MYLK3: variants seen among roughly 807,000 people sequenced by gnomAD.
The protein encoded by MYLK3 is myosin light chain kinase 3.
Under a neutral mutation model 76.3 loss-of-function variants are expected in MYLK3, and 55 were observed. The observed-to-expected ratio is 0.72, with a 90% CI of 0.58 to 0.90. The LOEUF is 0.90. MYLK3 is among the 40% of genes least tolerant of loss of function. The probability of loss-of-function intolerance (pLI) is 0.00; values close to 1 mark genes in which losing one functional copy is unlikely to be tolerated. For synonymous variants in MYLK3, 416 were observed against 425.4 expected (o/e 0.98, Z 0.27); for missense variants, 973 against 1,053.6 (o/e 0.92, Z 1.06).
intron 1 of MYLK3, among the ~76,000 whole-genome samples, chr16:46,758,265 TCC>T (rs1491368874): frequency 4.5e-4 from 56 of 124,594 alleles, no homozygotes; most frequent in Non-Finnish European, 1.2e-4. Flanking sequence ...CCTCTCTCTC[TCC>T]ACACACACAC....
chr16:46,716,713 C>T (rs1966744346), intron 9 of MYLK3, among the ~76,000 whole-genome samples: 1 of 152,160 alleles, frequency 6.6e-6, no homozygotes, highest in Admixed American at 6.5e-5. Context: ...CTGCCCCCTA[C>T]CCTAAAGGAA....
intron 1 of MYLK3, among the ~76,000 whole-genome samples, chr16:46,761,592 G>A (rs945447781): frequency 4.6e-5 from 7 of 152,118 alleles, no homozygotes; most frequent in Non-Finnish European, 1.0e-4. Flanking sequence ...TGAGGCAGGT[G>A]GATCACCTGA....
intron 3 of MYLK3, among the ~76,000 whole-genome samples, chr16:46,734,449 A>T (rs1966859512): frequency 6.6e-6 from 1 of 152,170 alleles, no homozygotes; most frequent in South Asian, 2.1e-4. Context: ...GTCCATCTCT[A>T]CTAAAAATAC....
chr16:46,758,882 G>A (rs898511936), intron 1 of MYLK3, among the ~76,000 whole-genome samples: 3 of 152,080 alleles, frequency 2.0e-5, no homozygotes, highest in South Asian at 2.1e-4. Context: ...GATGGGGAGA[G>A]GGCCGAGGGG....
chr16:46,717,600 C>T (rs553562036), intron 9 of MYLK3, among the ~76,000 whole-genome samples: 2 of 152,124 alleles, frequency 1.3e-5, no homozygotes, highest in South Asian at 4.1e-4. Flanking sequence ...GCGCCCCCCC[C>T]ACCTCCCCTC....
intron 8 of MYLK3, 45 bp downstream of exon 8, chr16:46,727,191 C>A: frequency 6.3e-7 from 1 of 1,597,766 alleles, no homozygotes; most frequent in Non-Finnish European, 8.6e-7. Flanking sequence ...ACGCCAGGAG[C>A]TAGGACACCA....
chr16:46,755,319 A>C (rs1166557447), intron 1 of MYLK3, among the ~76,000 whole-genome samples: 1 of 152,022 alleles, frequency 6.6e-6, no homozygotes, highest in African/African-American at 2.4e-5. Context: ...TTAACTGGGC[A>C]TGGTGGTGGG....
At chr16:46,727,214 G>A (rs374586368) in intron 8 of MYLK3, 22 bp downstream of exon 8, 9 of 1,607,010 alleles carry the variant, frequency 5.6e-6, no homozygotes, top group South Asian at 1.1e-5. Context: ...GGCCCCTACC[G>A]CATGCCCAGG....
intron 8 of MYLK3, among the ~76,000 whole-genome samples, chr16:46,724,691 T>C (rs1256435520): frequency 1.3e-5 from 2 of 152,244 alleles, no homozygotes; most frequent in Non-Finnish European, 2.9e-5. Flanking sequence ...GTTGTTTTGG[T>C]TTCTGTAGCA....
intron 5 of MYLK3, 101 bp downstream of exon 5, chr16:46,730,492 G>T: frequency 1.1e-6 from 1 of 940,738 alleles, no homozygotes; most frequent in Non-Finnish European, 1.7e-6. Context: ...CAGCTCGAGA[G>T]AGAGTCATCC....
Position 46,738,055 on chromosome 16 carries a change from T to A in MYLK3, c.657A>T (p.Ala219=), listed in dbSNP as rs1235560752. 6.2e-7 allele frequency: 1 copy of A among 1,608,608 alleles called. No individual in the cohort carries two copies. The highest frequency in any genetic ancestry group is 1.1e-5 in the South Asian group (1 of 90,772). The change falls in exon 3 of 13, where the codon GCA becomes GCT. Residue 219 remains alanine, a synonymous_variant. Coordinates refer to ENST00000394809, the MANE Select transcript of MYLK3 (RefSeq NM_182493.3). ...ASGLGADPAQ[A]VVSPGQGDGV... is the part of the protein sequence containing the mutation. ...CATCTCCCTGGCCCGGTGAGACCAC[T>A]GCCTGGGCGGGGTCAGCTCCCAGCC... is the stretch of plus-strand genomic sequence containing the variant.
Position 46,707,735 on chromosome 16 carries a change from T to C in MYLK3, c.2429A>G (p.Asn810Ser), listed in dbSNP as rs1966640654. Residue 810 changes from asparagine (N) to serine (S), a missense_variant, in exon 13 of 13, where the codon AAC becomes AGC. Asn to Ser is a conservative substitution (Grantham distance 46). Coordinates refer to ENST00000394809, the MANE Select transcript of MYLK3 (RefSeq NM_182493.3). ...AGAAGTTGGAAATTTCCTTAACCTG[T>C]TGGCAGCAGTCACCACATAGAAATG... Reference protein sequence around the residue: ...KKHFYVVTAANRLRKFPTSP With the variant: ...KKHFYVVTAASRLRKFPTSP 1.2e-6 allele frequency: 2 copies of C among 1,613,214 alleles called. No individual in the cohort carries two copies. Among genetic ancestry groups the C allele is most frequent in the Non-Finnish European group, 1.7e-6 (2 of 1,179,364 alleles).
intron 1 of MYLK3, among the ~76,000 whole-genome samples, chr16:46,746,000 T>G (rs954239371): frequency 6.6e-6 from 1 of 152,136 alleles, no homozygotes; most frequent in Non-Finnish European, 1.5e-5. Flanking sequence ...TTTTTTACTA[T>G]GTGCATATTA....
At chr16:46,709,762 TG>T in intron 11 of MYLK3, 91 bp from the exon 12 acceptor site, 1 of 1,437,086 alleles carries the variant, frequency 7.0e-7, no homozygotes, top group Admixed American at 2.1e-5. Context: ...CCTGAGTCAG[TG>T]GAACAGATTA....
chr16:46,733,209 T>G (rs1966856292), intron 3 of MYLK3, among the ~76,000 whole-genome samples: 1 of 151,732 alleles, frequency 6.6e-6, no homozygotes, highest in African/African-American at 2.4e-5. Flanking sequence ...AAAAAATAAT[T>G]TTAAAAAACT....
intron 7 of MYLK3, 110 bp from the exon 8 acceptor site, chr16:46,727,487 AC>A: frequency 8.3e-7 from 1 of 1,202,230 alleles, no homozygotes; most frequent in Non-Finnish European, 1.1e-6. Context: ...CCACCATCAC[AC>A]CCCATGGGTC....
chr16:46,745,336 A>G (rs182958792), intron 1 of MYLK3, among the ~76,000 whole-genome samples: 57 of 152,366 alleles, frequency 3.7e-4, no homozygotes, highest in African/African-American at 1.2e-3. Flanking sequence ...ACAGCCCCCA[A>G]AGGGAGTACC....
intron 1 of MYLK3, among the ~76,000 whole-genome samples, chr16:46,745,254 T>C (rs1025279677): frequency 6.6e-6 from 1 of 152,242 alleles, no homozygotes; most frequent in Non-Finnish European, 1.5e-5. Context: ...TCACTGCATC[T>C]TTATTTATAG....
At chr16:46,733,743 G>T (rs1247146305) in intron 3 of MYLK3, among the ~76,000 whole-genome samples, 1 of 152,130 alleles carries the variant, frequency 6.6e-6, no homozygotes, top group Non-Finnish European at 1.5e-5. Flanking sequence ...ACAGCACGGG[G>T]TCTATGTGTG....
Sources: gnomAD v4.1 joint callset for allele counts (sites outside exome capture counted in the v4.1 genomes callset) on GRCh38, gnomAD v4.1.1 for gene constraint, MANE v1.5 for transcripts, NCBI Gene and HGNC (gene_info 2026-07-23, HGNC 2026-07-21) for gene names.